Variants in SVEP1 observed in about 807,000 individuals in gnomAD.
SVEP1 encodes the protein sushi, von Willebrand factor type A, EGF and pentraxin domain-containing protein 1.
In SVEP1, 164 loss-of-function variants were observed where a neutral mutation model predicts 367.3. That is an observed-to-expected ratio of 0.45 (90% CI 0.39 to 0.51). The LOEUF (loss-of-function observed/expected upper bound fraction) is 0.51, where lower values mean the gene tolerates loss of function less well. Among genes scored for constraint, SVEP1 ranks in the 20% least tolerant of loss-of-function variants. The pLI, the probability that SVEP1 is intolerant of heterozygous loss-of-function variation, is 0.00. For synonymous variants in SVEP1, 1,666 were observed against 1,611.6 expected, an observed-to-expected ratio of 1.03 and a Z score of -0.81; for missense variants, 4,117 against 4,425.3, an observed-to-expected ratio of 0.93 and a Z score of 1.98.
At chr9:110,564,793 A>C (rs1358853481) in intron 1 of SVEP1, among the ~76,000 whole-genome samples, 1 of 152,014 alleles carries the variant, frequency 6.6e-6, no homozygotes, top group Non-Finnish European at 1.5e-5. Context: ...TTCATAGATC[A>C]GAAGATTAAT....
intron 8 of SVEP1, among the ~76,000 whole-genome samples, chr9:110,493,577 C>CA (rs1178786199): frequency 2.0e-5 from 3 of 151,930 alleles, no homozygotes; most frequent in East Asian, 1.9e-4. Context: ...ACTAAAAATA[C>CA]AAAAAATAGC....
At chr9:110,575,077 T>C (rs1830610985) in intron 1 of SVEP1, among the ~76,000 whole-genome samples, 2 of 152,068 alleles carry the variant, frequency 1.3e-5, no homozygotes, top group South Asian at 2.1e-4. Context: ...TACCTTCTCA[T>C]AGCCCAACCA....
chr9:110,508,760 C>CAAAAAAA (rs11316319), intron 5 of SVEP1, among the ~76,000 whole-genome samples: 125 of 76,382 alleles, frequency 1.6e-3, no homozygotes, highest in African/African-American at 2.1e-3. Flanking sequence ...GACTCCATCT[C>CAAAAAAA]AAAAAAAAAA....
rs1403109952 is a variant in SVEP1, at chr9:110,365,461, G to C, written c.*1078C>G. 2 of 152,174 alleles carry C rather than the reference G, an allele frequency of 1.3e-5. No homozygotes were observed. Among genetic ancestry groups the C allele is most frequent in the Admixed American group, 6.5e-5 (1 of 15,270 alleles). The allele number at this position is 152,174 out of a possible 1,614,324, so 9.4% of individuals were successfully genotyped here. ...ACAACACACTCCAAGGCCTGTGTGG[G>C]AGCAGTTTTCCCAGAGGATGGAGGC... On this transcript the variant is annotated 3_prime_UTR_variant, in exon 48 of 48. Coordinates refer to ENST00000374469, the MANE Select transcript of SVEP1 (RefSeq NM_153366.4).
chr9:110,427,803 C>T (rs1564139741), intron 35 of SVEP1, 45 bp from the exon 36 acceptor site: 1 of 1,565,372 alleles, frequency 6.4e-7, no homozygotes, highest in Non-Finnish European at 8.6e-7. Flanking sequence ...TATGGATTTG[C>T]TGCTATGGAG....
chr9:110,380,506 A>C (rs1239169420), intron 43 of SVEP1, among the ~76,000 whole-genome samples: 1 of 152,154 alleles, frequency 6.6e-6, no homozygotes, highest in African/African-American at 2.4e-5. Context: ...ATTGATTTGC[A>C]TATGTTAAAC....
chr9:110,458,638 G>T lies in SVEP1; in HGVS notation c.3485-76C>A, dbSNP rs1588063597. On this transcript the variant is annotated intron_variant, in intron 19 of 47. Coordinates refer to ENST00000374469, the MANE Select transcript of SVEP1 (RefSeq NM_153366.4). ...GGACTATATCTAACACTATGGTCAA[G>T]ATTCTGGTTGTCAGAGTGGGTAAAG... 2.9e-6 allele frequency: 4 copies of T among 1,396,214 alleles called. No individual in the cohort carries two copies. The East Asian group carries it at 1.0e-4, about 35-fold the overall frequency. 86.5% of individuals were successfully genotyped at this position (1,396,214 alleles called of 1,614,324 possible).
At chr9:110,450,467 GTTT>G (rs10656079) in intron 23 of SVEP1, among the ~76,000 whole-genome samples, 3,696 of 102,008 alleles carry the variant, frequency 0.036, 110 homozygotes, top group African/African-American at 0.13. Flanking sequence ...TTGATAATCT[GTTT>G]TTTTTTTTTT....
chr9:110,519,785 G>A (rs1026835817), intron 3 of SVEP1, among the ~76,000 whole-genome samples: 4 of 152,106 alleles, frequency 2.6e-5, no homozygotes, highest in Non-Finnish European at 5.9e-5. Context: ...TGAAGTGAAG[G>A]GACAGTAGAC....
intron 3 of SVEP1, among the ~76,000 whole-genome samples, chr9:110,517,368 T>C (rs1829818237): frequency 6.6e-6 from 1 of 151,842 alleles, no homozygotes; most frequent in South Asian, 2.1e-4. Context: ...GAGGTCGAGG[T>C]GGGTGGATCA....
rs1374777273 is a variant in SVEP1 at position 110,579,732 on chromosome 9, C to T, written c.-189G>A. The T allele has an allele frequency of 1.6e-6, 1 of 610,098 alleles. No individual in the cohort carries two copies. The highest frequency in any genetic ancestry group is 2.6e-6 in the Non-Finnish European group (1 of 383,254). The allele number at this position is 610,098 out of a possible 1,614,324, so 37.8% of individuals were successfully genotyped here. A position where few individuals can be genotyped will look rare whatever the true frequency, so the allele number is the denominator to read the frequency against. ...AGACTCCTCAGCAGCTCGGGAACTCCGGAGGGAACGGCGCGCGCTCTCTAC... is the reference window on the plus strand; with the variant it reads ...AGACTCCTCAGCAGCTCGGGAACTCTGGAGGGAACGGCGCGCGCTCTCTAC... On this transcript the variant is annotated 5_prime_UTR_variant, in exon 1 of 48. Coordinates refer to ENST00000374469, the MANE Select transcript of SVEP1 (RefSeq NM_153366.4). The surrounding 1 kb of genome is among the most constrained non-coding windows in gnomAD (Gnocchi z 5.3).
intron 44 of SVEP1, among the ~76,000 whole-genome samples, chr9:110,377,857 C>T (rs1411598882): frequency 6.6e-6 from 1 of 152,158 alleles, no homozygotes; most frequent in African/African-American, 2.4e-5. Context: ...ATACCTTGAG[C>T]AACATCTCCC....
At chr9:110,412,249 A>G (rs535288388) in intron 36 of SVEP1, among the ~76,000 whole-genome samples, 1 of 152,336 alleles carries the variant, frequency 6.6e-6, no homozygotes, top group East Asian at 1.9e-4. Flanking sequence ...TTCTTAAGCT[A>G]CAATGTACAA....
chr9:110,412,363 C>A (rs1190145858), intron 36 of SVEP1, among the ~76,000 whole-genome samples: 1 of 152,088 alleles, frequency 6.6e-6, no homozygotes, highest in African/African-American at 2.4e-5. Context: ...AAGCCTTTAC[C>A]CCATGTGGCT....
At chr9:110,525,352 ATTAT>A (rs1829927408) in intron 3 of SVEP1, among the ~76,000 whole-genome samples, 1 of 152,214 alleles carries the variant, frequency 6.6e-6, no homozygotes, top group South Asian at 2.1e-4. Context: ...TATGTTTACA[ATTAT>A]TTACTATTGC....
Position 110,550,478 on chromosome 9 carries a change from TTATCTATCTATCTATC to T in SVEP1, c.532-390_532-375del, listed in dbSNP as rs10550734. ...AAAATCTGAATCCAAATTCCACAAA[TTATCTATCTATCTATC>T]TATCTATCTATCTATCTATCTATCT... On this transcript the variant is annotated intron_variant, in intron 1 of 47. Coordinates refer to ENST00000374469, the MANE Select transcript of SVEP1 (RefSeq NM_153366.4). Among the ~76,000 whole-genome samples the T allele has an allele frequency of 1.7e-3, 252 of 148,956 alleles. 2 individuals are homozygous for T. Among genetic ancestry groups the T allele is most frequent in the African/African-American group, 4.3e-3 (172 of 40,362 alleles).
At chr9:110,540,277 C>T (rs1247870724) in intron 3 of SVEP1, among the ~76,000 whole-genome samples, 2 of 151,914 alleles carry the variant, frequency 1.3e-5, no homozygotes, top group Non-Finnish European at 2.9e-5. Flanking sequence ...TCATTAGATC[C>T]ACAGTTTTGC....
At position 110,513,924 on chromosome 9, in the gene SVEP1, A is replaced by G. The variant is rs776790005; in HGVS notation, c.1123+24T>C. 2.5e-6 allele frequency: 4 copies of G among 1,597,768 alleles called. No homozygotes were observed. The African/African-American group carries it at 5.4e-5, about 21-fold the overall frequency. ...AGAGAAATCAGCTTTTATATTTCCC[A>G]TTTTCCAACAGTGGGAGACTCACGT... On this transcript the variant is annotated intron_variant, in intron 4 of 47. Transcript: ENST00000374469.
intron 3 of SVEP1, among the ~76,000 whole-genome samples, chr9:110,542,281 TGTTATC>T (rs946506001): frequency 6.6e-6 from 1 of 152,154 alleles, no homozygotes; most frequent in African/African-American, 2.4e-5. Flanking sequence ...TGTTTGGGTA[TGTTATC>T]TTGAGCAACA....
Sources: allele counts gnomAD v4.1 joint callset (sites outside exome capture counted in the v4.1 genomes callset), GRCh38; gene constraint gnomAD v4.1.1; non-coding constraint Gnocchi (gnomAD v3.1); transcripts MANE v1.5; gene names NCBI Gene and HGNC (gene_info 2026-07-23, HGNC 2026-07-21).